Variants in ADGRB3 observed in about 807,000 individuals in gnomAD.
The protein encoded by ADGRB3 is brain-specific angiogenesis inhibitor 3.
A neutral mutation model predicts 193.4 loss-of-function variants in ADGRB3; 37 were observed. The observed-to-expected ratio is 0.19, with a 90% CI of 0.15 to 0.25. The LOEUF (loss-of-function observed/expected upper bound fraction) is 0.25. Among genes scored for constraint, ADGRB3 ranks in the 10% least tolerant of loss-of-function variants. The pLI is 1.00. For missense variants in ADGRB3, 1,637 were observed against 1,852.9 expected, an observed-to-expected ratio of 0.88 and a Z score of 2.14; for synonymous variants, 690 against 644.2, an observed-to-expected ratio of 1.07 and a Z score of -1.08.
At chr6:68,953,998 T>C (rs895451769) in intron 6 of ADGRB3, among the ~76,000 whole-genome samples, 2 of 152,218 alleles carry the variant, frequency 1.3e-5, no homozygotes, top group Non-Finnish European at 2.9e-5. Context: ...CTTTACATGC[T>C]AGTTTGCACA....
intron 17 of ADGRB3, among the ~76,000 whole-genome samples, chr6:69,141,127 T>TGGG (rs1305388130): frequency 3.1e-4 from 18 of 57,726 alleles, no homozygotes; most frequent in East Asian, 2.1e-3. Flanking sequence ...TTCTTTTTTT[T>TGGG]TGGGGGGGGC....
At chr6:68,885,426 G>A (rs575449039) in intron 3 of ADGRB3, among the ~76,000 whole-genome samples, 1 of 152,016 alleles carries the variant, frequency 6.6e-6, no homozygotes, top group Non-Finnish European at 1.5e-5. Flanking sequence ...TTACATTTGT[G>A]GAATGATTAA....
chr6:69,223,263 CAA>C (rs1765937843), intron 17 of ADGRB3, among the ~76,000 whole-genome samples: 1 of 152,112 alleles, frequency 6.6e-6, no homozygotes, highest in Admixed American at 6.6e-5. Flanking sequence ...ATGATTAACT[CAA>C]GAGTTAAAAT....
intron 3 of ADGRB3, among the ~76,000 whole-genome samples, chr6:68,680,789 A>G (rs1764881098): frequency 6.6e-6 from 1 of 152,162 alleles, no homozygotes; most frequent in African/African-American, 2.4e-5. Context: ...TAAGATCTCT[A>G]TTGGACTTGG....
intron 20 of ADGRB3, among the ~76,000 whole-genome samples, chr6:69,272,729 C>T (rs62408280): frequency 0.047 from 7,120 of 152,194 alleles, 225 homozygotes; most frequent in Non-Finnish European, 0.072. Context: ...ACAACAGACA[C>T]AAGAGATGAT....
At chr6:68,714,972 GCA>G (rs1040479547) in intron 3 of ADGRB3, among the ~76,000 whole-genome samples, 1 of 151,722 alleles carries the variant, frequency 6.6e-6, no homozygotes, top group African/African-American at 2.4e-5. Context: ...ATGAGTTAGT[GCA>G]CATCAATTGT....
chr6:69,117,964 T>A (rs1183266897), intron 17 of ADGRB3, among the ~76,000 whole-genome samples: 2 of 152,194 alleles, frequency 1.3e-5, no homozygotes, highest in Non-Finnish European at 2.9e-5. Context: ...TTCTCCCCTG[T>A]TTTTCTGCCT....
chr6:69,104,486 G>A (rs890956118), intron 17 of ADGRB3, among the ~76,000 whole-genome samples: 9 of 151,726 alleles, frequency 5.9e-5, no homozygotes, highest in South Asian at 2.1e-4. Context: ...GAATAATGCC[G>A]CAATGGTTCA....
chr6:69,012,417 C>A (rs184584964), intron 11 of ADGRB3, among the ~76,000 whole-genome samples: 15 of 151,944 alleles, frequency 9.9e-5, no homozygotes, highest in African/African-American at 3.4e-4. Context: ...AGCACCATGT[C>A]CCCTACTGAG....
At chr6:68,649,571 G>A (rs1011091868) in intron 3 of ADGRB3, among the ~76,000 whole-genome samples, 7 of 151,972 alleles carry the variant, frequency 4.6e-5, no homozygotes, top group African/African-American at 2.4e-5. Flanking sequence ...TCAAAAAAAC[G>A]ATTGATTTTT....
Position 68,650,934 on chromosome 6 carries a change from T to C in ADGRB3, c.757+11502T>C, listed in dbSNP as rs537449788. Among the ~76,000 whole-genome samples, 19 of 152,314 alleles carry C rather than the reference T, an allele frequency of 1.2e-4. No homozygotes were observed. The East Asian group carries it at 2.5e-3, about 20-fold the overall frequency. ...TTGAATAGGCAATGCAAAACAGATA[T>C]TTTATGTCTGCTGGATGTTTTTGGA... is the stretch of plus-strand genomic sequence containing the variant. On this transcript the variant is annotated intron_variant, in intron 3 of 31. Transcript: ENST00000370598.
At chr6:68,896,697 G>C (rs1176209682) in intron 3 of ADGRB3, among the ~76,000 whole-genome samples, 1 of 152,092 alleles carries the variant, frequency 6.6e-6, no homozygotes, top group Non-Finnish European at 1.5e-5. Context: ...GAAAGGAGTT[G>C]GAGGTTGAAC....
At chr6:68,925,685 G>A (rs1185116567) in intron 3 of ADGRB3, among the ~76,000 whole-genome samples, 2 of 151,884 alleles carry the variant, frequency 1.3e-5, no homozygotes, top group South Asian at 2.1e-4. Context: ...TGTAGTTGAG[G>A]GCATTCCAGT....
chr6:68,885,090 CTTAA>C (rs1359473097), intron 3 of ADGRB3, among the ~76,000 whole-genome samples: 1 of 151,966 alleles, frequency 6.6e-6, no homozygotes, highest in Non-Finnish European at 1.5e-5. Context: ...TGTTTAATTG[CTTAA>C]TTAATTGTGC....
chr6:69,240,285 G>T (rs540387946), intron 20 of ADGRB3, among the ~76,000 whole-genome samples: 49 of 152,100 alleles, frequency 3.2e-4, no homozygotes, highest in African/African-American at 1.1e-3. Flanking sequence ...ATTGCCCTAG[G>T]CCAGGGGAAG....
At chr6:69,069,660 G>A (rs1182909364) in intron 16 of ADGRB3, among the ~76,000 whole-genome samples, 1 of 140,950 alleles carries the variant, frequency 7.1e-6, no homozygotes, top group African/African-American at 2.6e-5. Flanking sequence ...GAACTCAGAG[G>A]ACAGAGGTTG....
intron 3 of ADGRB3, among the ~76,000 whole-genome samples, chr6:68,883,349 C>T (rs2150225296): frequency 6.6e-6 from 1 of 152,260 alleles, no homozygotes; most frequent in East Asian, 1.9e-4. Context: ...ATGGGCCAAT[C>T]AGCAGGATGT....
chr6:69,149,106 T>G (rs557480252), intron 17 of ADGRB3, among the ~76,000 whole-genome samples: 1 of 152,152 alleles, frequency 6.6e-6, no homozygotes, highest in Non-Finnish European at 1.5e-5. Flanking sequence ...TTCTCTGTTA[T>G]TATCCTTTTG....
chr6:69,235,502 A>G (rs900304783), intron 19 of ADGRB3, among the ~76,000 whole-genome samples: 1 of 152,064 alleles, frequency 6.6e-6, no homozygotes, highest in Non-Finnish European at 1.5e-5. Flanking sequence ...TGGTACAGTC[A>G]AATTAATTTA....
Sources: gnomAD v4.1 joint callset for allele counts (sites outside exome capture counted in the v4.1 genomes callset) on GRCh38, gnomAD v4.1.1 for gene constraint, MANE v1.5 for transcripts, NCBI Gene and HGNC (gene_info 2026-07-23, HGNC 2026-07-21) for gene names.